MYO1B: variants seen among roughly 807,000 people sequenced by gnomAD.
The protein encoded by MYO1B is unconventional myosin-Ib.
Under a neutral mutation model 159.7 loss-of-function variants are expected in MYO1B, and 72 were observed. The observed-to-expected ratio is 0.45, with a 90% CI of 0.37 to 0.55. The LOEUF is 0.55. Ranked by LOEUF, MYO1B falls within the 20% of genes least tolerant of loss-of-function variation. The probability of loss-of-function intolerance (pLI) is 0.00; values close to 1 mark genes in which losing one functional copy is unlikely to be tolerated. For synonymous variants in MYO1B, 468 were observed against 473.8 expected (o/e 0.99, Z 0.16); for missense variants, 1,062 against 1,364.8 (o/e 0.78, Z 3.50).
chr2:191,288,483 A>G (rs1000375378), intron 2 of MYO1B, among the ~76,000 whole-genome samples: 2 of 152,188 alleles, frequency 1.3e-5, no homozygotes, highest in African/African-American at 4.8e-5. Flanking sequence ...CTAATGGCTC[A>G]TTTAGCCAGG....
chr2:191,350,119 T>C (rs757822538), intron 6 of MYO1B, 43 bp from the exon 7 acceptor site: 4 of 1,527,256 alleles, frequency 2.6e-6, no homozygotes, highest in Non-Finnish European at 3.6e-6. Context: ...TGAGTTAACA[T>C]TTTGAGATGA....
chr2:191,257,636 A>G (rs959011641), intron 1 of MYO1B, among the ~76,000 whole-genome samples: 1 of 152,236 alleles, frequency 6.6e-6, no homozygotes. Flanking sequence ...GTTTATCTAC[A>G]GGAATTTATT....
chr2:191,424,553 AAG>A lies in MYO1B; in HGVS notation c.*596_*597del, dbSNP rs1317207744. ...ATAGGCTTCAAGAAGGGCTGGTCCT[AAG>A]AGGGGGCAGAAATGAATGACCAGGT... On this transcript the variant is annotated 3_prime_UTR_variant, in exon 31 of 31. Coordinates refer to ENST00000392318, the MANE Select transcript of MYO1B (RefSeq NM_001130158.3). 2 of 152,178 alleles carry A rather than the reference AAG, an allele frequency of 1.3e-5. No individual in the cohort carries two copies. The highest frequency in any genetic ancestry group is 4.8e-5 in the African/African-American group (2 of 41,444). 9.4% of individuals were successfully genotyped at this position (152,178 alleles called of 1,614,324 possible).
chr2:191,398,681 A>C (rs1696369843), intron 21 of MYO1B, among the ~76,000 whole-genome samples: 2 of 151,422 alleles, frequency 1.3e-5, no homozygotes, highest in East Asian at 3.9e-4. Context: ...GGTCAGGCAG[A>C]GATGCTCCTC....
chr2:191,356,337 C>CTTTTTT (rs79525897), intron 7 of MYO1B, among the ~76,000 whole-genome samples: 12 of 106,442 alleles, frequency 1.1e-4, no homozygotes, highest in South Asian at 3.4e-4. Flanking sequence ...GGCTGGGCTT[C>CTTTTTT]TTTTTTTTTT....
At chr2:191,359,849 G>A (rs1574504989) in intron 7 of MYO1B, among the ~76,000 whole-genome samples, 1 of 152,206 alleles carries the variant, frequency 6.6e-6, no homozygotes, top group African/African-American at 2.4e-5. Flanking sequence ...TGAGTGATAA[G>A]CAGGGCTCCA....
At chr2:191,381,661 C>A in intron 14 of MYO1B, 95 bp downstream of exon 14, 2 of 830,036 alleles carry the variant, frequency 2.4e-6, no homozygotes, top group South Asian at 1.6e-5. Flanking sequence ...AAGCCATATT[C>A]AAAAGGCTAC....
intron 7 of MYO1B, among the ~76,000 whole-genome samples, chr2:191,359,531 T>A (rs1437829708): frequency 6.6e-6 from 1 of 152,192 alleles, no homozygotes; most frequent in Non-Finnish European, 1.5e-5. Context: ...TCTTACAATC[T>A]TATGTATTTG....
chr2:191,316,279 C>G (rs1327270801), intron 3 of MYO1B, among the ~76,000 whole-genome samples: 1 of 152,164 alleles, frequency 6.6e-6, no homozygotes, highest in East Asian at 1.9e-4. Flanking sequence ...ATTTAGGAAG[C>G]AAACCTAGAC....
At position 191,408,001 on chromosome 2, in the gene MYO1B, A is replaced by G. The variant is rs1039309583; in HGVS notation, c.2557-114A>G. On this transcript the variant is annotated intron_variant, in intron 24 of 30. Coordinates refer to ENST00000392318, the MANE Select transcript of MYO1B (RefSeq NM_001130158.3). ...TTCAATTATTTTACTAAATCTAGAA[A>G]GGACACTTATAAACTGACTTGTTTG... 3.3e-5 allele frequency: 19 copies of G among 577,198 alleles called. No homozygotes were observed. In the Middle Eastern group the frequency reaches 1.7e-3, roughly 52 times the overall value. 35.8% of individuals were successfully genotyped at this position (577,198 alleles called of 1,614,324 possible).
intron 21 of MYO1B, 57 bp from the exon 22 acceptor site, chr2:191,400,325 C>T: frequency 1.3e-6 from 2 of 1,566,352 alleles, no homozygotes; most frequent in African/African-American, 2.7e-5. Context: ...TTTTTCAAGT[C>T]ACTGTCAATT....
At chr2:191,320,886 C>T (rs1690668248) in intron 3 of MYO1B, among the ~76,000 whole-genome samples, 1 of 151,962 alleles carries the variant, frequency 6.6e-6, no homozygotes, top group Admixed American at 6.6e-5. Context: ...GGTTCCAGTT[C>T]AAATGGCATC....
At chr2:191,360,751 G>GTGT (rs71403288) in intron 8 of MYO1B, 22 bp downstream of exon 8, 20,422 of 1,111,706 alleles carry the variant, frequency 0.018, 197 homozygotes, top group African/African-American at 0.068. Flanking sequence ...TTTCTATGTG[G>GTGT]TGTTGTTGTT....
intron 1 of MYO1B, among the ~76,000 whole-genome samples, chr2:191,248,542 G>T (rs1286001736): frequency 6.6e-6 from 1 of 152,260 alleles, no homozygotes; most frequent in East Asian, 1.9e-4. Flanking sequence ...TGGGAGCTGC[G>T]GCTCGCTGCC....
intron 2 of MYO1B, among the ~76,000 whole-genome samples, chr2:191,294,338 A>G (rs979775479): frequency 6.6e-6 from 1 of 152,198 alleles, no homozygotes; most frequent in Non-Finnish European, 1.5e-5. Context: ...TTTAGAAACT[A>G]TTGTATTCAA....
chr2:191,395,863 C>T (rs759321021), intron 20 of MYO1B, among the ~76,000 whole-genome samples: 3 of 152,234 alleles, frequency 2.0e-5, no homozygotes, highest in African/African-American at 7.2e-5. Context: ...CAGTCAGATG[C>T]ACATTTATAT....
intron 5 of MYO1B, among the ~76,000 whole-genome samples, chr2:191,344,829 CAA>C (rs10646926): frequency 3.6e-5 from 2 of 56,156 alleles, no homozygotes; most frequent in South Asian, 9.7e-4. Flanking sequence ...GACTCCGTCT[CAA>C]AAAAAAAAAA....
chr2:191,259,989 G>T (rs60079401), intron 1 of MYO1B, among the ~76,000 whole-genome samples: 10,758 of 152,108 alleles, frequency 0.071, 1,222 homozygotes, highest in African/African-American at 0.24. Flanking sequence ...GGAAGCTGTG[G>T]ATAATGTTAG....
chr2:191,390,484 A>G lies in MYO1B; in HGVS notation c.1974A>G (p.Gly658=), dbSNP rs369876430. The G allele has an allele frequency of 6.2e-7, 1 of 1,612,648 alleles. No homozygotes were observed. Among genetic ancestry groups the G allele is most frequent in the African/African-American group, 1.3e-5 (1 of 74,904 alleles). Residue 658 remains glycine, a synonymous_variant, in exon 18 of 31, where the codon GGA becomes GGG. Coordinates refer to ENST00000392318, the MANE Select transcript of MYO1B (RefSeq NM_001130158.3). ...AACAAACATGGCCTCATTGGAAAGG[A>G]CCAGCCAGGTAAGAAATTCAGTGAC... is the stretch of plus-strand genomic sequence containing the variant. ...LCKQTWPHWK[G]PARSGVEVLF... is the part of the protein sequence containing the mutation.
Sources: allele counts gnomAD v4.1 joint callset (sites outside exome capture counted in the v4.1 genomes callset), GRCh38; gene constraint gnomAD v4.1.1; transcripts MANE v1.5; gene names NCBI Gene and HGNC (gene_info 2026-07-23, HGNC 2026-07-21).